The following ONECUT1 variants were observed in gnomAD, a reference collection of about 807,000 sequenced individuals.
ONECUT1 encodes the protein hepatocyte nuclear factor 6.
A neutral mutation model predicts 25.6 loss-of-function variants in ONECUT1; 12 were observed. The observed-to-expected ratio is 0.47, with a 90% CI of 0.30 to 0.76. The LOEUF (loss-of-function observed/expected upper bound fraction) is 0.76, where lower values mean the gene tolerates loss of function less well. ONECUT1 is among the 30% of genes least tolerant of loss of function. ONECUT1 has a pLI of 0.07. For missense variants in ONECUT1, 620 were observed against 651.2 expected (o/e 0.95, Z 0.52); for synonymous variants, 285 against 270.2 (o/e 1.05, Z -0.54).
intron 1 of ONECUT1, among the ~76,000 whole-genome samples, chr15:52,763,959 C>A (rs2083720186): frequency 1.3e-5 from 2 of 152,320 alleles, no homozygotes; most frequent in African/African-American, 4.8e-5. Context: ...AACCAACAAG[C>A]TAGTCCTTCA....
intron 1 of ONECUT1, among the ~76,000 whole-genome samples, chr15:52,771,436 A>T (rs2083766505): frequency 6.9e-6 from 1 of 144,866 alleles, no homozygotes; most frequent in African/African-American, 2.5e-5. Flanking sequence ...ATAAAAAGCA[A>T]GTGTGTGTGT....
chr15:52,782,692 C>G (rs1281922072), intron 1 of ONECUT1, among the ~76,000 whole-genome samples: 1 of 152,140 alleles, frequency 6.6e-6, no homozygotes, highest in Non-Finnish European at 1.5e-5. Flanking sequence ...CTGTTGCTAC[C>G]CTAGGTTGGG....
In ONECUT1 at chr15:52,773,765, G is replaced by A. The variant is rs547398800; in HGVS notation, c.1105+15015C>T. ...CAGGAGTCAGAGGGAAAGGGCTCTCGTCAGTGAAATCTGGGACAATTTGAG... is the reference window on the plus strand; with the variant it reads ...CAGGAGTCAGAGGGAAAGGGCTCTCATCAGTGAAATCTGGGACAATTTGAG... On this transcript the variant is annotated intron_variant, in intron 1 of 1. Transcript: ENST00000305901. Among the ~76,000 whole-genome samples the A allele has an allele frequency of 4.6e-5, 7 of 152,240 alleles. No homozygotes were observed. In the South Asian group the frequency reaches 8.3e-4, roughly 18 times the overall value.
At chr15:52,766,688 T>G (rs928453096) in intron 1 of ONECUT1, among the ~76,000 whole-genome samples, 1 of 152,104 alleles carries the variant, frequency 6.6e-6, no homozygotes, top group African/African-American at 2.4e-5. Flanking sequence ...TGTCTCCTTG[T>G]GTGTATCAGC....
rs946386759 is a variant in ONECUT1 at position 52,756,550 on chromosome 15, A to G, written c.*1005T>C. Reference sequence around the variant, plus strand: ...AGGAACAGATTATGGAACCATGTCTATCTCTCTACTTAAGTGACATTTATG... The same window carrying G: ...AGGAACAGATTATGGAACCATGTCTGTCTCTCTACTTAAGTGACATTTATG... On this transcript the variant is annotated 3_prime_UTR_variant, in exon 2 of 2. Coordinates refer to ENST00000305901, the MANE Select transcript of ONECUT1 (RefSeq NM_004498.4). Among the ~76,000 whole-genome samples the G allele has an allele frequency of 2.6e-5, 4 of 152,194 alleles. No individual in the cohort carries two copies. The highest frequency in any genetic ancestry group is 9.7e-5 in the African/African-American group (4 of 41,440).
At chr15:52,770,067 G>A (rs1899745) in intron 1 of ONECUT1, among the ~76,000 whole-genome samples, 54,255 of 152,026 alleles carry the variant, frequency 0.36, 9,917 homozygotes, top group South Asian at 0.42. Context: ...CCAAGCCATT[G>A]GGCTTTTTGA....
At position 52,784,110 on chromosome 15, in the gene ONECUT1, A is replaced by C. The variant is rs2083858752; in HGVS notation, c.1105+4670T>G. Among the ~76,000 whole-genome samples, 1 of 152,170 alleles carries C rather than the reference A, an allele frequency of 6.6e-6. No homozygotes were observed. The highest frequency in any genetic ancestry group is 2.4e-5 in the African/African-American group (1 of 41,426). ...CGCAGGGGGCGCGCGCCGCAGCCGC[A>C]GCACAGCCCGGCTACCCCCAGAAAG... On this transcript the variant is annotated intron_variant, in intron 1 of 1. Transcript: ENST00000305901. This position sits in a 1 kb window ranked among gnomAD's most constrained non-coding sequence, Gnocchi z 5.0.
intron 1 of ONECUT1, among the ~76,000 whole-genome samples, chr15:52,773,280 A>T (rs149505482): frequency 7.2e-5 from 11 of 152,248 alleles, no homozygotes; most frequent in African/African-American, 2.4e-4. Context: ...TGGGTACCAG[A>T]GTTCCCACTG....
chr15:52,779,429 C>T lies in ONECUT1; in HGVS notation c.1105+9351G>A, dbSNP rs116687826. Among the ~76,000 whole-genome samples the T allele has an allele frequency of 2.3e-3, 344 of 152,272 alleles. 3 individuals are homozygous for T. Among genetic ancestry groups the T allele is most frequent in the African/African-American group, 7.9e-3 (330 of 41,554 alleles). The stretch of plus-strand genomic sequence containing the variant: ...AAAAAAACTTGTTTAACTTAAGTGG[C>T]ATGAATTTGATAACTTTCATTTCTT... On this transcript the variant is annotated intron_variant, in intron 1 of 1. Coordinates refer to ENST00000305901, the MANE Select transcript of ONECUT1 (RefSeq NM_004498.4).
rs2083679005 is a variant in ONECUT1, at chr15:52,757,366, G to T, written c.*189C>A. 3 of 625,664 alleles carry T rather than the reference G, an allele frequency of 4.8e-6. No individual in the cohort carries two copies. The highest frequency in any genetic ancestry group is 8.0e-6 in the Non-Finnish European group (3 of 376,106). 38.8% of individuals were successfully genotyped at this position (625,664 alleles called of 1,614,324 possible). A position where few individuals can be genotyped will look rare whatever the true frequency, so the allele number is the denominator to read the frequency against. On this transcript the variant is annotated 3_prime_UTR_variant, in exon 2 of 2. Coordinates refer to ENST00000305901, the MANE Select transcript of ONECUT1 (RefSeq NM_004498.4). ...TGTCTTGCCAAGTCGCCGCCCTGCT[G>T]AAGTGTGTGTCTCCAAACAAAGTCA...
chr15:52,766,969 C>T lies in ONECUT1; in HGVS notation c.1106-9122G>A, dbSNP rs568293841. ...TCCCAGGAGAGATGGGAACCCTGGA[C>T]AAGGTTGCCTGGGCCTGGGAGGGGT... On this transcript the variant is annotated intron_variant, in intron 1 of 1. Transcript: ENST00000305901. Among the ~76,000 whole-genome samples the T allele has an allele frequency of 1.5e-4, 23 of 152,308 alleles. 1 individual carries two copies. The South Asian group carries it at 4.6e-3, about 30-fold the overall frequency.
At position 52,757,234 on chromosome 15, in the gene ONECUT1, T is replaced by C. The variant is rs1322281561; in HGVS notation, c.*321A>G. 1 of 289,504 alleles carries C rather than the reference T, an allele frequency of 3.5e-6. No individual in the cohort carries two copies. The highest frequency in any genetic ancestry group is 6.4e-6 in the Non-Finnish European group (1 of 155,188). 17.9% of individuals were successfully genotyped at this position (289,504 alleles called of 1,614,324 possible). ...AAGTTCGATCTTAAAAGATGTCCGCTCAATGGCTCAAAATCACTATGCTCC... is the reference window on the plus strand; with the variant it reads ...AAGTTCGATCTTAAAAGATGTCCGCCCAATGGCTCAAAATCACTATGCTCC... On this transcript the variant is annotated 3_prime_UTR_variant, in exon 2 of 2. Coordinates refer to ENST00000305901, the MANE Select transcript of ONECUT1 (RefSeq NM_004498.4).
rs1054783947 is a variant in ONECUT1 at position 52,756,095 on chromosome 15, C to T, written c.*1460G>A. Among the ~76,000 whole-genome samples the T allele has an allele frequency of 2.0e-5, 3 of 152,014 alleles. No individual in the cohort carries two copies. Among genetic ancestry groups the T allele is most frequent in the African/African-American group, 7.2e-5 (3 of 41,386 alleles). On this transcript the variant is annotated 3_prime_UTR_variant, in exon 2 of 2. Transcript: ENST00000305901. ...CTTAGTTCCATAAATTGATTAATAC[C>T]AATAGATCAAAAGTCTTGTCGTCCA... is the stretch of plus-strand genomic sequence containing the variant.
At chr15:52,779,827 C>G (rs980220427) in intron 1 of ONECUT1, among the ~76,000 whole-genome samples, 2 of 152,168 alleles carry the variant, frequency 1.3e-5, no homozygotes, top group African/African-American at 4.8e-5. Context: ...CAAAAAGAGA[C>G]CAATCTTCAG....
At chr15:52,760,127 ATGTCCTGTAGGTCACTTGCTAT>A (rs1487941855) in intron 1 of ONECUT1, among the ~76,000 whole-genome samples, 3 of 152,178 alleles carry the variant, frequency 2.0e-5, no homozygotes, top group African/African-American at 4.8e-5. Context: ...CTTTTGTAAC[ATGTCCTGTAGGTCACTTGCTAT>A]GCCTCTTGCC....
Position 52,790,105 on chromosome 15 carries a change from C to G in ONECUT1, c.-221G>C, listed in dbSNP as rs1279828239. The G allele has an allele frequency of 1.8e-6, 1 of 548,626 alleles. No individual in the cohort carries two copies. The highest frequency in any genetic ancestry group is 2.0e-5 in the African/African-American group (1 of 50,874). The allele number at this position is 548,626 out of a possible 1,614,324, so 34.0% of individuals were successfully genotyped here. A position where few individuals can be genotyped will look rare whatever the true frequency, so the allele number is the denominator to read the frequency against. On this transcript the variant is annotated 5_prime_UTR_variant, in exon 1 of 2. Transcript: ENST00000305901. ...TGTGTGTCTCGCCTTCCCTCTTACC[C>G]CCCACCTTCCCCTCTGCGTCCTCGG...
rs2141442293 is a variant in ONECUT1, at chr15:52,756,633, C to T, written c.*922G>A. Reference sequence around the variant, plus strand: ...CACGTGTACTGCATCGACCTCTCTGCCATGATATTAATTGCTTCCCTGAAG... The same window carrying T: ...CACGTGTACTGCATCGACCTCTCTGTCATGATATTAATTGCTTCCCTGAAG... On this transcript the variant is annotated 3_prime_UTR_variant, in exon 2 of 2. Transcript: ENST00000305901. Among the ~76,000 whole-genome samples the T allele has an allele frequency of 6.6e-6, 1 of 152,288 alleles. No individual in the cohort carries two copies. Among genetic ancestry groups the T allele is most frequent in the African/African-American group, 2.4e-5 (1 of 41,554 alleles).
rs544566533 is a variant in ONECUT1 at position 52,757,357 on chromosome 15, C to T, written c.*198G>A. 5.7e-5 allele frequency: 33 copies of T among 579,846 alleles called. No homozygotes were observed. In the East Asian group the frequency reaches 7.2e-4, roughly 13 times the overall value. The allele number at this position is 579,846 out of a possible 1,614,324, so 35.9% of individuals were successfully genotyped here. A position where few individuals can be genotyped will look rare whatever the true frequency, so the allele number is the denominator to read the frequency against. On this transcript the variant is annotated 3_prime_UTR_variant, in exon 2 of 2. Transcript: ENST00000305901. ...CTCATCATTTGTCTTGCCAAGTCGC[C>T]GCCCTGCTGAAGTGTGTGTCTCCAA...
At chr15:52,766,214 A>T (rs1899744) in intron 1 of ONECUT1, among the ~76,000 whole-genome samples, 75,850 of 151,598 alleles carry the variant, frequency 0.5, 19,562 homozygotes, top group East Asian at 0.89. Context: ...AACTCAGGTG[A>T]GGTAGAAATA....
Sources: gnomAD v4.1 joint callset for allele counts (sites outside exome capture counted in the v4.1 genomes callset) on GRCh38, gnomAD v4.1.1 for gene constraint, Gnocchi (gnomAD v3.1) non-coding constraint, MANE v1.5 for transcripts, NCBI Gene and HGNC (gene_info 2026-07-23, HGNC 2026-07-21) for gene names.